LRP1B: variants seen among roughly 807,000 people sequenced by gnomAD.
The protein encoded by LRP1B is low-density lipoprotein receptor-related protein 1B.
In LRP1B, 217 loss-of-function variants were observed where a neutral mutation model predicts 556.6. The observed-to-expected ratio is 0.39, with a 90% CI of 0.35 to 0.44. The LOEUF is 0.44. LRP1B is among the 20% of genes least tolerant of loss of function. LRP1B has a pLI of 1.00. For synonymous variants in LRP1B, 2,047 were observed against 1,865.8 expected, an observed-to-expected ratio of 1.10 and a Z score of -2.50; for missense variants, 5,053 against 5,620.8, an observed-to-expected ratio of 0.90 and a Z score of 3.23.
At chr2:141,867,540 G>C (rs1698451296) in intron 1 of LRP1B, among the ~76,000 whole-genome samples, 1 of 152,116 alleles carries the variant, frequency 6.6e-6, no homozygotes, top group Admixed American at 6.6e-5. Flanking sequence ...AAAGTAAGAT[G>C]ACTTAGGTAG....
At chr2:141,478,513 C>T (rs1271220588) in intron 3 of LRP1B, among the ~76,000 whole-genome samples, 1 of 127,494 alleles carries the variant, frequency 7.8e-6, no homozygotes, top group African/African-American at 2.8e-5. Context: ...TCTTTCCCTC[C>T]CTCCCTTCCT....
intron 41 of LRP1B, among the ~76,000 whole-genome samples, chr2:140,638,809 A>T (rs1684168500): frequency 6.6e-6 from 1 of 151,248 alleles, no homozygotes; most frequent in Admixed American, 6.6e-5. Flanking sequence ...TTACATATAT[A>T]CATGTATATA....
At chr2:141,076,104 T>C (rs887744211) in intron 7 of LRP1B, among the ~76,000 whole-genome samples, 43 of 152,226 alleles carry the variant, frequency 2.8e-4, no homozygotes, top group Admixed American at 2.7e-3. Flanking sequence ...AGCAATACTT[T>C]CTTTATGATG....
intron 83 of LRP1B, 87 bp from the exon 84 acceptor site, chr2:140,298,056 A>C (rs1409250224): frequency 7.7e-7 from 1 of 1,301,620 alleles, no homozygotes; most frequent in Non-Finnish European, 1.1e-6. Flanking sequence ...AAAGTTGAGA[A>C]GCCAGGTTTC....
At chr2:141,547,453 AC>A (rs1435974755) in intron 2 of LRP1B, among the ~76,000 whole-genome samples, 4 of 151,928 alleles carry the variant, frequency 2.6e-5, no homozygotes, top group African/African-American at 9.7e-5. Context: ...CCCAGTAAAA[AC>A]TCTTTGACAG....
chr2:140,410,902 T>C (rs1684945234), intron 66 of LRP1B, among the ~76,000 whole-genome samples: 1 of 152,070 alleles, frequency 6.6e-6, no homozygotes, highest in Non-Finnish European at 1.5e-5. Context: ...CAGGCCTGGG[T>C]TGAACCCTAT....
intron 1 of LRP1B, among the ~76,000 whole-genome samples, chr2:142,026,730 C>T (rs1703519791): frequency 6.6e-6 from 1 of 151,956 alleles, no homozygotes; most frequent in African/African-American, 2.4e-5. Flanking sequence ...GTGTATTGCC[C>T]AGACTTATCT....
intron 89 of LRP1B, among the ~76,000 whole-genome samples, chr2:140,236,593 C>G (rs1282384153): frequency 6.6e-6 from 1 of 150,724 alleles, no homozygotes; most frequent in Non-Finnish European, 1.5e-5. Flanking sequence ...TAAAAACTAA[C>G]AAATATTTTT....
chr2:140,659,210 T>C (rs2105336455), intron 41 of LRP1B, among the ~76,000 whole-genome samples: 2 of 140,480 alleles, frequency 1.4e-5, no homozygotes, highest in East Asian at 4.5e-4. Context: ...GCCACAATAA[T>C]AGGTTCATGT....
intron 41 of LRP1B, among the ~76,000 whole-genome samples, chr2:140,650,214 T>TA (rs892309235): frequency 3.3e-5 from 5 of 151,056 alleles, no homozygotes; most frequent in Admixed American, 6.6e-5. Context: ...TTTTCTAATA[T>TA]AAAAAAAAGG....
chr2:141,929,444 C>A (rs1001731268), intron 1 of LRP1B, among the ~76,000 whole-genome samples: 2 of 150,424 alleles, frequency 1.3e-5, no homozygotes, highest in Non-Finnish European at 2.9e-5. Flanking sequence ...ATATAACAGG[C>A]ATGCAAATGA....
At chr2:140,278,050 C>T (rs1431630005) in intron 84 of LRP1B, among the ~76,000 whole-genome samples, 1 of 151,658 alleles carries the variant, frequency 6.6e-6, no homozygotes, top group Non-Finnish European at 1.5e-5. Flanking sequence ...CACACACACA[C>T]ACACACAAAA....
chr2:141,338,872 G>C (rs1036876626), intron 3 of LRP1B, among the ~76,000 whole-genome samples: 1 of 152,006 alleles, frequency 6.6e-6, no homozygotes, highest in African/African-American at 2.4e-5. Context: ...TTATTTTCAT[G>C]GTGTAAAAGA....
chr2:141,855,468 T>C (rs553904799), intron 1 of LRP1B, among the ~76,000 whole-genome samples: 31 of 152,268 alleles, frequency 2.0e-4, no homozygotes, highest in Non-Finnish European at 1.2e-4. Flanking sequence ...GTAAATGGTA[T>C]TGTGATCCCG....
chr2:141,335,511 A>C (rs1687816129), intron 3 of LRP1B, among the ~76,000 whole-genome samples: 1 of 152,230 alleles, frequency 6.6e-6, no homozygotes, highest in Non-Finnish European at 1.5e-5. Flanking sequence ...TTTATCATTC[A>C]AGAACTGGAG....
At chr2:141,164,457 G>A (rs1469732121) in intron 7 of LRP1B, among the ~76,000 whole-genome samples, 1 of 152,064 alleles carries the variant, frequency 6.6e-6, no homozygotes, top group African/African-American at 2.4e-5. Context: ...ATATGTTACT[G>A]TCTATAATTC....
intron 1 of LRP1B, among the ~76,000 whole-genome samples, chr2:142,040,248 T>C (rs998904483): frequency 2.0e-5 from 3 of 151,488 alleles, no homozygotes; most frequent in Non-Finnish European, 4.4e-5. Flanking sequence ...CCTAATACTA[T>C]GCTTAAAATA....
At chr2:141,865,391 G>A (rs1698375607) in intron 1 of LRP1B, among the ~76,000 whole-genome samples, 1 of 151,690 alleles carries the variant, frequency 6.6e-6, no homozygotes, top group South Asian at 2.1e-4. Flanking sequence ...AGGAGATCGA[G>A]ACCATCCCGG....
intron 1 of LRP1B, among the ~76,000 whole-genome samples, chr2:141,895,063 A>G (rs200244736): frequency 2.8e-4 from 42 of 149,594 alleles, no homozygotes; most frequent in South Asian, 8.4e-4. Flanking sequence ...AAAAAAAAAA[A>G]AAAGAAAAGA....
Sources: allele counts gnomAD v4.1 joint callset (sites outside exome capture counted in the v4.1 genomes callset), GRCh38; gene constraint gnomAD v4.1.1; transcripts MANE v1.5; gene names NCBI Gene and HGNC (gene_info 2026-07-23, HGNC 2026-07-21).